ABI3BP: variants seen among roughly 807,000 people sequenced by gnomAD.
The protein encoded by ABI3BP is ABI family member 3 binding protein.
A neutral mutation model predicts 268.6 loss-of-function variants in ABI3BP; 216 were observed. That is an observed-to-expected ratio of 0.80 (90% CI 0.72 to 0.90). ABI3BP has a LOEUF of 0.90. Among genes scored for constraint, ABI3BP ranks in the 40% least tolerant of loss-of-function variants. ABI3BP has a pLI of 0.00. For synonymous variants in ABI3BP, 730 were observed against 730.0 expected, an observed-to-expected ratio of 1.00 and a Z score of 0.00; for missense variants, 2,090 against 2,182.4, an observed-to-expected ratio of 0.96 and a Z score of 0.84.
chr3:100,897,858 A>G (rs2048451875), intron 4 of ABI3BP, among the ~76,000 whole-genome samples: 1 of 152,238 alleles, frequency 6.6e-6, no homozygotes, highest in Non-Finnish European at 1.5e-5. Flanking sequence ...TATTTAAAAT[A>G]GAAAACTTTA....
intron 63 of ABI3BP, among the ~76,000 whole-genome samples, chr3:100,763,054 C>T (rs2096061415): frequency 6.6e-6 from 1 of 152,154 alleles, no homozygotes; most frequent in Admixed American, 6.5e-5. Flanking sequence ...AAGTAAGCCA[C>T]ATATAATAGA....
chr3:100,945,978 A>G (rs2071986351), intron 1 of ABI3BP, among the ~76,000 whole-genome samples: 1 of 152,214 alleles, frequency 6.6e-6, no homozygotes. Flanking sequence ...GTGATCATCC[A>G]GAAAATGAGC....
chr3:100,976,035 G>A (rs990909678), intron 1 of ABI3BP, among the ~76,000 whole-genome samples: 1 of 152,162 alleles, frequency 6.6e-6, no homozygotes, highest in Non-Finnish European at 1.5e-5. Context: ...ATAACGGTCT[G>A]TGATTTTTCC....
chr3:100,863,052 A>G, intron 12 of ABI3BP, 143 bp from the exon 13 acceptor site: 1 of 600,196 alleles, frequency 1.7e-6, no homozygotes, highest in South Asian at 2.2e-5. Context: ...TCTTACATCT[A>G]TGTTTCAATG....
At chr3:100,865,986 T>C (rs897639750) in intron 10 of ABI3BP, among the ~76,000 whole-genome samples, 1 of 152,220 alleles carries the variant, frequency 6.6e-6, no homozygotes, top group African/African-American at 2.4e-5. Context: ...AAAAGGACCA[T>C]ATTCACCTTG....
At chr3:100,804,046 GA>G (rs1335750530) in intron 51 of ABI3BP, among the ~76,000 whole-genome samples, 17 of 152,232 alleles carry the variant, frequency 1.1e-4, no homozygotes, top group Admixed American at 9.2e-4. Context: ...CCTTTAAAAG[GA>G]AAGAGAAAAA....
intron 1 of ABI3BP, among the ~76,000 whole-genome samples, chr3:100,967,912 G>T (rs1418599303): frequency 6.6e-6 from 1 of 152,096 alleles, no homozygotes; most frequent in African/African-American, 2.4e-5. Flanking sequence ...AACAATGCAT[G>T]CCTATGTGAA....
intron 6 of ABI3BP, 58 bp from the exon 7 acceptor site, chr3:100,876,618 T>C (rs1006153752): frequency 7.3e-6 from 11 of 1,500,616 alleles, no homozygotes; most frequent in South Asian, 1.1e-5. Context: ...TTCTGTTCTT[T>C]AAAACGTTCG....
intron 1 of ABI3BP, among the ~76,000 whole-genome samples, chr3:100,988,663 C>T (rs530683134): frequency 6.6e-6 from 1 of 152,198 alleles, no homozygotes; most frequent in Admixed American, 6.5e-5. Context: ...GAAGGATGAC[C>T]CCTCTCTATT....
At chr3:100,839,959 T>G (rs2098666737) in intron 23 of ABI3BP, 113 bp downstream of exon 23, 1 of 825,768 alleles carries the variant, frequency 1.2e-6, no homozygotes, top group East Asian at 2.7e-5. Context: ...TGCTCAGTTA[T>G]AAAAGTCAAT....
At chr3:100,824,686 C>T (rs756976385) in intron 36 of ABI3BP, among the ~76,000 whole-genome samples, 172 bp downstream of exon 36, 1 of 152,184 alleles carries the variant, frequency 6.6e-6, no homozygotes, top group African/African-American at 2.4e-5. Context: ...TTGGGTCTCA[C>T]CCACACATTA....
intron 35 of ABI3BP, 102 bp from the exon 36 acceptor site, chr3:100,825,043 T>G (rs1197793347): frequency 1.1e-6 from 1 of 893,196 alleles, no homozygotes; most frequent in African/African-American, 1.7e-5. Context: ...TTCCAGAAAC[T>G]TTAGTTGTTT....
intron 63 of ABI3BP, among the ~76,000 whole-genome samples, chr3:100,756,260 C>T (rs1373730547): frequency 6.6e-6 from 1 of 152,152 alleles, no homozygotes; most frequent in Non-Finnish European, 1.5e-5. Context: ...TGCGGTGGCT[C>T]GTGCCTGTAA....
At chr3:100,839,294 T>G (rs2098656403) in intron 24 of ABI3BP, among the ~76,000 whole-genome samples, 1 of 152,150 alleles carries the variant, frequency 6.6e-6, no homozygotes, top group South Asian at 2.1e-4. Flanking sequence ...AGTTGATGGC[T>G]TTCTCAACCC....
intron 29 of ABI3BP, 22 bp from the exon 30 acceptor site, chr3:100,833,179 A>T (rs1296925466): frequency 6.5e-7 from 1 of 1,530,286 alleles, no homozygotes; most frequent in Admixed American, 2.0e-5. Flanking sequence ...AATGATCAAA[A>T]GCAATTTTAA....
rs1053385422 is a variant in ABI3BP, at chr3:100,789,611, T to G, written c.4025-95A>C. 3.4e-6 allele frequency: 4 copies of G among 1,167,718 alleles called. No homozygotes were observed. In the African/African-American group the frequency reaches 6.2e-5, roughly 18 times the overall value. 72.3% of individuals were successfully genotyped at this position (1,167,718 alleles called of 1,614,324 possible). On this transcript the variant is annotated intron_variant, in intron 55 of 67. Transcript: ENST00000471714. The stretch of plus-strand genomic sequence containing the variant: ...CTAGGGACCAACAACTCATACACTT[T>G]GCATGGACGTATAAAGAAGGTTCAG...
intron 44 of ABI3BP, among the ~76,000 whole-genome samples, chr3:100,814,910 C>A (rs2097978149): frequency 6.6e-6 from 1 of 152,090 alleles, no homozygotes; most frequent in African/African-American, 2.4e-5. Flanking sequence ...TAATAATGAG[C>A]CCTGTAATTG....
In ABI3BP at chr3:100,787,811, A is replaced by C; in HGVS notation, c.4088-9T>G. 6.6e-7 allele frequency: 1 copy of C among 1,509,558 alleles called. No homozygotes were observed. The highest frequency in any genetic ancestry group is 8.8e-7 in the Non-Finnish European group (1 of 1,135,266). 93.5% of individuals were successfully genotyped at this position (1,509,558 alleles called of 1,614,324 possible). A position where few individuals can be genotyped will look rare whatever the true frequency, so the allele number is the denominator to read the frequency against. ...AGTTGTCCTATTCAGAACTAAAATA[A>C]AGTGGGATATAAATAGTTCATTTTC... On this transcript the variant is annotated splice_polypyrimidine_tract_variant and intron_variant, in intron 56 of 67. Coordinates refer to ENST00000471714, the MANE Select transcript of ABI3BP (RefSeq NM_001375547.2).
At chr3:100,809,804 C>A (rs1036580591) in intron 49 of ABI3BP, among the ~76,000 whole-genome samples, 1 of 152,048 alleles carries the variant, frequency 6.6e-6, no homozygotes, top group African/African-American at 2.4e-5. Context: ...TTTAGTTATT[C>A]ATGTTGATTA....
Sources: allele counts gnomAD v4.1 joint callset (sites outside exome capture counted in the v4.1 genomes callset), GRCh38; gene constraint gnomAD v4.1.1; transcripts MANE v1.5; gene names NCBI Gene and HGNC (gene_info 2026-07-23, HGNC 2026-07-21).